RSRC1: variants seen among roughly 807,000 people sequenced by gnomAD.
RSRC1 encodes the protein serine/Arginine-related protein 53.
In RSRC1, 39 loss-of-function variants were observed where a neutral mutation model predicts 49.1. That is an observed-to-expected ratio of 0.79 (90% confidence interval 0.61 to 1.04). The LOEUF (loss-of-function observed/expected upper bound fraction) is 1.04, where lower values mean the gene tolerates loss of function less well. Ranked by LOEUF, RSRC1 falls within the 50% of genes least tolerant of loss-of-function variation. The pLI is 0.00. For synonymous variants in RSRC1, 143 were observed against 130.8 expected (o/e 1.09, Z -0.63); for missense variants, 388 against 402.4 (o/e 0.96, Z 0.31).
intron 4 of RSRC1, among the ~76,000 whole-genome samples, chr3:158,270,311 A>G (rs1725434903): frequency 1.3e-5 from 2 of 151,914 alleles, no homozygotes; most frequent in Non-Finnish European, 2.9e-5. Context: ...AAACATTTCT[A>G]CCTCCCGAGT....
At chr3:158,127,755 GGT>G (rs1491559393) in intron 3 of RSRC1, among the ~76,000 whole-genome samples, 851 of 73,256 alleles carry the variant, frequency 0.012, 12 homozygotes, top group African/African-American at 0.046. Context: ...ACTGCTTTGT[GGT>G]TTTTTTTTTT....
At chr3:158,439,745 A>G (rs1736273438) in intron 6 of RSRC1, among the ~76,000 whole-genome samples, 1 of 152,170 alleles carries the variant, frequency 6.6e-6, no homozygotes, top group South Asian at 2.1e-4. Flanking sequence ...GCAAACCAAC[A>G]TGGCACATGT....
intron 3 of RSRC1, among the ~76,000 whole-genome samples, chr3:158,135,272 A>T (rs973508443): frequency 7.2e-4 from 104 of 144,324 alleles, no homozygotes; most frequent in African/African-American, 2.6e-3. Flanking sequence ...TTATAGTGTA[A>T]TTTTTTTTTT....
intron 6 of RSRC1, among the ~76,000 whole-genome samples, chr3:158,403,923 G>A (rs139760168): frequency 3.2e-4 from 49 of 151,844 alleles, no homozygotes; most frequent in African/African-American, 1.2e-3. Flanking sequence ...TGATTAAGGA[G>A]CTTCTCAAAA....
chr3:158,301,964 T>A (rs1727569841), intron 5 of RSRC1, among the ~76,000 whole-genome samples: 1 of 136,296 alleles, frequency 7.3e-6, no homozygotes. Flanking sequence ...ATCAATCCTT[T>A]GTTTTTTTGT....
intron 3 of RSRC1, 57 bp downstream of exon 3, chr3:158,124,048 G>A: frequency 1.6e-6 from 2 of 1,229,134 alleles, no homozygotes. Flanking sequence ...ATTCAGCGAT[G>A]TAAAGCAACA....
intron 5 of RSRC1, among the ~76,000 whole-genome samples, chr3:158,325,829 A>G (rs778093593): frequency 6.6e-6 from 1 of 152,158 alleles, no homozygotes; most frequent in Admixed American, 6.5e-5. Context: ...CAGTATGGCC[A>G]TTTTCACAAT....
chr3:158,455,607 G>C (rs953686346), intron 6 of RSRC1, among the ~76,000 whole-genome samples: 1 of 152,078 alleles, frequency 6.6e-6, no homozygotes, highest in African/African-American at 2.4e-5. Context: ...TGTCACCTCT[G>C]CAGCTGTTCT....
At chr3:158,174,813 T>C (rs1460198587) in intron 3 of RSRC1, among the ~76,000 whole-genome samples, 1 of 152,090 alleles carries the variant, frequency 6.6e-6, no homozygotes, top group African/African-American at 2.4e-5. Flanking sequence ...TACTAAAACC[T>C]TTTTGCTACA....
At chr3:158,467,965 GCT>G (rs1737960879) in intron 7 of RSRC1, among the ~76,000 whole-genome samples, 1 of 152,162 alleles carries the variant, frequency 6.6e-6, no homozygotes, top group South Asian at 2.1e-4. Context: ...ACGGAGTCTC[GCT>G]CTGTCGCCCA....
At chr3:158,236,518 C>A (rs1723256512) in intron 4 of RSRC1, among the ~76,000 whole-genome samples, 1 of 152,184 alleles carries the variant, frequency 6.6e-6, no homozygotes, top group Admixed American at 6.6e-5. Context: ...ATTTCACTTA[C>A]AATAGATTAG....
intron 3 of RSRC1, among the ~76,000 whole-genome samples, chr3:158,134,539 A>C (rs1716238263): frequency 6.6e-6 from 1 of 152,220 alleles, no homozygotes; most frequent in Admixed American, 6.5e-5. Flanking sequence ...GTCATTTTGA[A>C]TAGCAAATGA....
intron 3 of RSRC1, among the ~76,000 whole-genome samples, chr3:158,127,495 G>A (rs1185434757): frequency 6.6e-6 from 1 of 151,306 alleles, no homozygotes; most frequent in Non-Finnish European, 1.5e-5. Flanking sequence ...TTCAGCTATT[G>A]TATTCTTTGG....
chr3:158,128,748 C>G (rs1408129363), intron 3 of RSRC1, among the ~76,000 whole-genome samples: 1 of 152,148 alleles, frequency 6.6e-6, no homozygotes, highest in Non-Finnish European at 1.5e-5. Context: ...AGTTGTTAAT[C>G]TCTTCTTAGT....
At chr3:158,113,615 C>T (rs148933732) in intron 1 of RSRC1, among the ~76,000 whole-genome samples, 87 of 152,204 alleles carry the variant, frequency 5.7e-4, no homozygotes, top group African/African-American at 2.0e-3. Flanking sequence ...GATCCACCCC[C>T]CTCAGCCTCC....
chr3:158,180,393 CTTT>C (rs1163298458), intron 3 of RSRC1, among the ~76,000 whole-genome samples: 55 of 38,504 alleles, frequency 1.4e-3, no homozygotes, highest in African/African-American at 4.1e-3. Flanking sequence ...GGTCGAGGTT[CTTT>C]TTTTTTTTTT....
At chr3:158,412,675 C>G (rs1045210608) in intron 6 of RSRC1, among the ~76,000 whole-genome samples, 7 of 152,154 alleles carry the variant, frequency 4.6e-5, no homozygotes, top group African/African-American at 1.7e-4. Context: ...AATAATCAGC[C>G]TGAGAGCAGT....
At chr3:158,164,366 TTG>T (rs1299966525) in intron 3 of RSRC1, among the ~76,000 whole-genome samples, 5 of 152,170 alleles carry the variant, frequency 3.3e-5, no homozygotes, top group African/African-American at 9.6e-5. Context: ...TCCAAATAAA[TTG>T]TTTTTGTTAT....
chr3:158,144,779 C>A (rs1397246874), intron 3 of RSRC1, among the ~76,000 whole-genome samples: 2 of 152,194 alleles, frequency 1.3e-5, no homozygotes, highest in African/African-American at 4.8e-5. Flanking sequence ...TATTTCTCCA[C>A]ATCCTCTCCG....
Sources: gnomAD v4.1 joint callset for allele counts (sites outside exome capture counted in the v4.1 genomes callset) on GRCh38, gnomAD v4.1.1 for gene constraint, MANE v1.5 for transcripts, NCBI Gene and HGNC (gene_info 2026-07-23, HGNC 2026-07-21) for gene names.